The following TSPAN9 variants were observed in gnomAD, a reference collection of about 807,000 sequenced individuals.
TSPAN9 encodes tetraspanin 9.
In TSPAN9, 16 loss-of-function variants were observed where a neutral mutation model predicts 31.0. That is an observed-to-expected ratio of 0.52 (90% CI 0.35 to 0.78). The LOEUF (loss-of-function observed/expected upper bound fraction) is 0.78, where lower values mean the gene tolerates loss of function less well. Ranked by LOEUF, TSPAN9 falls within the 30% of genes least tolerant of loss-of-function variation. The pLI, the probability that TSPAN9 is intolerant of heterozygous loss-of-function variation, is 0.01. For missense variants in TSPAN9, 272 were observed against 312.5 expected, an observed-to-expected ratio of 0.87 and a Z score of 0.98; for synonymous variants, 145 against 121.6, an observed-to-expected ratio of 1.19 and a Z score of -1.27.
chr12:3,197,603 C>T (rs1389049426), intron 2 of TSPAN9, among the ~76,000 whole-genome samples: 1 of 152,118 alleles, frequency 6.6e-6, no homozygotes, highest in African/African-American at 2.4e-5. Context: ...GGAGAGCTCT[C>T]ACCTCTAGGA....
rs1211269191 is a variant in TSPAN9 at position 3,278,463 on chromosome 12, G to C, written c.106G>C (p.Val36Leu). The change falls in exon 4 of 9, where the codon GTG becomes CTG. Residue 36 changes from valine (V) to leucine (L), a missense_variant. Physicochemically the swap from Val to Leu is conservative, Grantham distance 32. Transcript: ENST00000011898. ...GLLGVGIWLS[V>L]SQGNFATFSP... ...GCTGGGAGTGGGCATCTGGCTCTCC[G>C]TGTCCCAAGGCAACTTTGCCACCTT... 6 of 1,614,170 alleles carry C rather than the reference G, an allele frequency of 3.7e-6. No homozygotes were observed. In the African/African-American group the frequency reaches 4.0e-5, roughly 11 times the overall value.
intron 3 of TSPAN9, among the ~76,000 whole-genome samples, chr12:3,263,915 G>A (rs1862496926): frequency 6.6e-6 from 1 of 152,188 alleles, no homozygotes; most frequent in Non-Finnish European, 1.5e-5. Flanking sequence ...AGAGGGACAT[G>A]CCGTGAGCGG....
chr12:3,081,844 G>GTGTGTGTGTGTGTATATATATATA (rs57812985), intron 1 of TSPAN9, among the ~76,000 whole-genome samples: 1 of 116,736 alleles, frequency 8.6e-6, no homozygotes, highest in Non-Finnish European at 1.7e-5. Context: ...GTCTGTGTGT[G>GTGTGTGTGTGTGTATATATATATA]TATATATATG....
chr12:3,235,547 C>A (rs1591696152), intron 3 of TSPAN9, among the ~76,000 whole-genome samples: 1 of 152,070 alleles, frequency 6.6e-6, no homozygotes, highest in East Asian at 1.9e-4. Context: ...TCCCTTGAGT[C>A]CTTGTCTAAT....
chr12:3,188,349 G>A (rs1390969514), intron 2 of TSPAN9, among the ~76,000 whole-genome samples: 3 of 152,232 alleles, frequency 2.0e-5, no homozygotes, highest in East Asian at 3.9e-4. Context: ...GGCTCCTGCG[G>A]TACTACTGTG....
rs146773879 is a variant in TSPAN9 at position 3,099,395 on chromosome 12, C to T, written c.-18+15676C>T. ...ATTTGAGTGTTTGTTGTATCTTTGT[C>T]TCATCATGTTGATGTTTTCCTCTGC... On this transcript the variant is annotated intron_variant, in intron 2 of 8. Transcript: ENST00000011898. 8.1e-3 allele frequency among the ~76,000 whole-genome samples: 1,240 copies of T among 152,264 alleles called. 8 individuals carry two copies. The highest frequency in any genetic ancestry group is 0.012 in the Non-Finnish European group (789 of 68,024).
chr12:3,202,637 A>G (rs1014942775), intron 3 of TSPAN9, among the ~76,000 whole-genome samples: 3 of 152,006 alleles, frequency 2.0e-5, no homozygotes, highest in Admixed American at 2.0e-4. Context: ...GTTACATGCC[A>G]TCTGGGGTGG....
At chr12:3,110,461 C>T (rs2098317950) in intron 2 of TSPAN9, among the ~76,000 whole-genome samples, 1 of 152,158 alleles carries the variant, frequency 6.6e-6, no homozygotes, top group Non-Finnish European at 1.5e-5. Flanking sequence ...GTAAGTGTAC[C>T]CATTCTCTTG....
At chr12:3,127,832 C>T (rs1441700924) in intron 2 of TSPAN9, among the ~76,000 whole-genome samples, 1 of 152,110 alleles carries the variant, frequency 6.6e-6, no homozygotes, top group Non-Finnish European at 1.5e-5. Context: ...TGCTATGTTG[C>T]CCAGGTTAGA....
At chr12:3,164,992 T>C (rs1348447528) in intron 2 of TSPAN9, among the ~76,000 whole-genome samples, 2 of 152,180 alleles carry the variant, frequency 1.3e-5, no homozygotes, top group Non-Finnish European at 2.9e-5. Context: ...TAGGATTCTG[T>C]GGTTCCTTTG....
chr12:3,223,476 A>C (rs1383477328), intron 3 of TSPAN9, among the ~76,000 whole-genome samples: 1 of 152,162 alleles, frequency 6.6e-6, no homozygotes, highest in African/African-American at 2.4e-5. Context: ...CTTTTGTGGC[A>C]TGTTTTCTAT....
chr12:3,216,196 G>T (rs1191359502), intron 3 of TSPAN9, among the ~76,000 whole-genome samples: 3 of 152,060 alleles, frequency 2.0e-5, no homozygotes, highest in Non-Finnish European at 4.4e-5. Context: ...TGCTGTGATT[G>T]GCAGGAGTTG....
rs575990620 is a variant in TSPAN9 at position 3,178,328 on chromosome 12, T to C, written c.-17-22849T>C. ...TTGAGACAGAGTTGTTTCGCTCTTG[T>C]TGCCCAGGCTGGAGTGCAGTGGCGT... On this transcript the variant is annotated intron_variant, in intron 2 of 8. Coordinates refer to ENST00000011898, the MANE Select transcript of TSPAN9 (RefSeq NM_006675.5). 6.6e-5 allele frequency among the ~76,000 whole-genome samples: 10 copies of C among 152,028 alleles called. No individual in the cohort carries two copies. The South Asian group carries it at 2.1e-3, about 32-fold the overall frequency.
rs1565645240 is a variant in TSPAN9, at chr12:3,280,754, C to T, written c.432+271C>T. On this transcript the variant is annotated intron_variant, in intron 6 of 8. Coordinates refer to ENST00000011898, the MANE Select transcript of TSPAN9 (RefSeq NM_006675.5). The surrounding 1 kb of genome is among the most constrained non-coding windows in gnomAD (Gnocchi z 4.5). ...TGAATGACTGAATTTATTTTAGCAACAGATTTGCCTCCATGATGGGGCTTG... is the reference window on the plus strand; with the variant it reads ...TGAATGACTGAATTTATTTTAGCAATAGATTTGCCTCCATGATGGGGCTTG... Among the ~76,000 whole-genome samples the T allele has an allele frequency of 6.6e-6, 1 of 152,192 alleles. No homozygotes were observed. Among genetic ancestry groups the T allele is most frequent in the Non-Finnish European group, 1.5e-5 (1 of 68,034 alleles).
chr12:3,171,310 T>G (rs11831228), intron 2 of TSPAN9, among the ~76,000 whole-genome samples: 19 of 152,320 alleles, frequency 1.2e-4, no homozygotes, highest in African/African-American at 4.6e-4. Context: ...CCTCCTGGTT[T>G]TGTGCACTGC....
intron 2 of TSPAN9, among the ~76,000 whole-genome samples, chr12:3,154,857 C>G (rs1349301234): frequency 3.3e-5 from 5 of 152,250 alleles, no homozygotes; most frequent in African/African-American, 4.8e-5. Flanking sequence ...GTCATCACTA[C>G]ATGGCATTAG....
intron 3 of TSPAN9, among the ~76,000 whole-genome samples, chr12:3,245,026 C>T (rs1862093132): frequency 6.6e-6 from 1 of 152,218 alleles, no homozygotes; most frequent in Non-Finnish European, 1.5e-5. Flanking sequence ...TCTGTAGCAG[C>T]CCAGCCTATC....
intron 3 of TSPAN9, among the ~76,000 whole-genome samples, chr12:3,258,460 T>A (rs1295108721): frequency 6.6e-6 from 1 of 152,152 alleles, no homozygotes; most frequent in Non-Finnish European, 1.5e-5. Context: ...GAGACCTCAG[T>A]GAATGTCTCT....
chr12:3,083,293 T>TGGC (rs1432463013), intron 1 of TSPAN9, among the ~76,000 whole-genome samples: 1 of 152,204 alleles, frequency 6.6e-6, no homozygotes, highest in Non-Finnish European at 1.5e-5. Context: ...CACTTGTGAG[T>TGGC]GGCCAAAATT....
Sources: allele counts gnomAD v4.1 joint callset (sites outside exome capture counted in the v4.1 genomes callset), GRCh38; gene constraint gnomAD v4.1.1; non-coding constraint Gnocchi (gnomAD v3.1); transcripts MANE v1.5; gene names NCBI Gene and HGNC (gene_info 2026-07-23, HGNC 2026-07-21).